The following ZNF385B variants were observed in gnomAD, a reference collection of about 807,000 sequenced individuals.
ZNF385B encodes zinc finger protein 533.
A neutral mutation model predicts 39.2 loss-of-function variants in ZNF385B; 23 were observed. The observed-to-expected ratio is 0.59, with a 90% CI of 0.42 to 0.83. The LOEUF is 0.83. ZNF385B is among the 40% of genes least tolerant of loss of function. The pLI is 0.00. For synonymous variants in ZNF385B, 205 were observed against 222.6 expected, an observed-to-expected ratio of 0.92 and a Z score of 0.70; for missense variants, 552 against 598.9, an observed-to-expected ratio of 0.92 and a Z score of 0.82.
rs1389367567 is a variant in ZNF385B, at chr2:179,699,348, A to G, written c.298+70155T>C. Among the ~76,000 whole-genome samples, 5 of 152,154 alleles carry G rather than the reference A, an allele frequency of 3.3e-5. No homozygotes were observed. In the South Asian group the frequency reaches 1.0e-3, roughly 32 times the overall value. Reference sequence around the variant, plus strand: ...AAAACATACACTCATAAGCTGGAATAACACTCAAGCAGAAATCCTCAAAGG... The same window carrying G: ...AAAACATACACTCATAAGCTGGAATGACACTCAAGCAGAAATCCTCAAAGG... On this transcript the variant is annotated intron_variant, in intron 3 of 9. Transcript: ENST00000410066.
At position 179,808,278 on chromosome 2, in the gene ZNF385B, C is replaced by T. The variant is rs932535738; in HGVS notation, c.-154-37606G>A. ...CGATCTCCTGACCTTGTGATCCGCC[C>T]GCCTTGGCCTCCCAAAGTGCTGGGA... On this transcript the variant is annotated intron_variant, in intron 1 of 9. Transcript: ENST00000410066. Among the ~76,000 whole-genome samples, 25 of 152,266 alleles carry T rather than the reference C, an allele frequency of 1.6e-4. No individual in the cohort carries two copies. In the East Asian group the frequency reaches 3.5e-3, roughly 21 times the overall value.
chr2:179,456,344 C>A (rs2050705777), intron 6 of ZNF385B, among the ~76,000 whole-genome samples: 1 of 152,242 alleles, frequency 6.6e-6, no homozygotes, highest in African/African-American at 2.4e-5. Context: ...CTTCCCTGTG[C>A]CTTTATCAGC....
intron 3 of ZNF385B, among the ~76,000 whole-genome samples, chr2:179,649,194 T>C (rs1692997492): frequency 6.6e-6 from 1 of 151,900 alleles, no homozygotes; most frequent in East Asian, 1.9e-4. Flanking sequence ...ATCATGAAAA[T>C]TAAAAAACAA....
intron 5 of ZNF385B, among the ~76,000 whole-genome samples, chr2:179,513,800 G>A (rs1266346806): frequency 6.6e-6 from 1 of 152,140 alleles, no homozygotes; most frequent in Non-Finnish European, 1.5e-5. Flanking sequence ...TCATACAGGA[G>A]GAGTTCAGTA....
chr2:179,505,587 G>C (rs2105750855), intron 5 of ZNF385B, among the ~76,000 whole-genome samples: 1 of 152,194 alleles, frequency 6.6e-6, no homozygotes, highest in South Asian at 2.1e-4. Context: ...TCACAGTTGA[G>C]AGATAATGAA....
intron 1 of ZNF385B, among the ~76,000 whole-genome samples, chr2:179,840,831 A>G (rs1236508414): frequency 6.6e-6 from 1 of 152,194 alleles, no homozygotes; most frequent in African/African-American, 2.4e-5. Context: ...CTATGCACAA[A>G]ATGTTCTTAG....
In ZNF385B at chr2:179,792,375, C is replaced by CTTTTTTTTTTTTTT. The variant is rs374147864; in HGVS notation, c.-154-21717_-154-21704dup. Among the ~76,000 whole-genome samples the CTTTTTTTTTTTTTT allele has an allele frequency of 9.9e-4, 123 of 124,046 alleles. 3 individuals are homozygous for CTTTTTTTTTTTTTT. Among genetic ancestry groups the CTTTTTTTTTTTTTT allele is most frequent in the African/African-American group, 3.5e-3 (111 of 32,026 alleles). 81.4% of individuals were successfully genotyped at this position (124,046 alleles called of 152,430 possible). On this transcript the variant is annotated intron_variant, in intron 1 of 9. Transcript: ENST00000410066. ...GAAGTAGGCCATTTCATTTTCTTTT[C>CTTTTTTTTTTTTTT]TTTTTTTTTTTTTTTTGAGACAGAG...
chr2:179,482,376 C>T (rs2054093596), intron 6 of ZNF385B, among the ~76,000 whole-genome samples: 1 of 152,216 alleles, frequency 6.6e-6, no homozygotes, highest in South Asian at 2.1e-4. Context: ...CATATTCTCT[C>T]AGTCTCCTTT....
chr2:179,567,147 T>G, intron 3 of ZNF385B, among the ~76,000 whole-genome samples: 1 of 152,130 alleles, frequency 6.6e-6, no homozygotes, highest in Admixed American at 6.5e-5. Context: ...ACTCCTGACC[T>G]CAAGTGATCC....
At chr2:179,642,047 T>C (rs777749814) in intron 3 of ZNF385B, among the ~76,000 whole-genome samples, 2 of 152,108 alleles carry the variant, frequency 1.3e-5, no homozygotes, top group African/African-American at 2.4e-5. Flanking sequence ...AGAAACCATA[T>C]GAAACTGACG....
chr2:179,556,695 TCTCCTCAATGGCATTAAGA>T (rs2060927779), intron 3 of ZNF385B, among the ~76,000 whole-genome samples: 2 of 149,372 alleles, frequency 1.3e-5, no homozygotes, highest in East Asian at 3.8e-4. Flanking sequence ...GCCTGGTGAC[TCTCCTCAATGGCATTAAGA>T]CCCTTTCTTG....
At chr2:179,586,665 GAAATATTTAAGT>G (rs1687100095) in intron 3 of ZNF385B, among the ~76,000 whole-genome samples, 1 of 152,168 alleles carries the variant, frequency 6.6e-6, no homozygotes, top group African/African-American at 2.4e-5. Flanking sequence ...GTTTTAATGT[GAAATATTTAAGT>G]AAATATTTAA....
chr2:179,722,382 A>T (rs1356753880), intron 3 of ZNF385B, among the ~76,000 whole-genome samples: 1 of 152,116 alleles, frequency 6.6e-6, no homozygotes, highest in Non-Finnish European at 1.5e-5. Context: ...ATATTATGAC[A>T]TTGGTGTAGA....
intron 6 of ZNF385B, among the ~76,000 whole-genome samples, chr2:179,468,590 C>CT (rs1272751098): frequency 6.6e-6 from 1 of 152,074 alleles, no homozygotes; most frequent in African/African-American, 2.4e-5. Context: ...ATGAATGGCT[C>CT]TTTATAGAGG....
chr2:179,567,452 G>T (rs984287147), intron 3 of ZNF385B, among the ~76,000 whole-genome samples: 8 of 152,022 alleles, frequency 5.3e-5, no homozygotes, highest in African/African-American at 1.7e-4. Context: ...TCTATTTAGA[G>T]AACAAAAATA....
At chr2:179,719,055 C>T (rs552466737) in intron 3 of ZNF385B, among the ~76,000 whole-genome samples, 59 of 152,036 alleles carry the variant, frequency 3.9e-4, no homozygotes, top group African/African-American at 1.4e-3. Flanking sequence ...CTGCCAGGAA[C>T]TTCTGCATGT....
intron 3 of ZNF385B, among the ~76,000 whole-genome samples, chr2:179,576,993 A>G: frequency 6.6e-6 from 1 of 152,212 alleles, no homozygotes; most frequent in East Asian, 1.9e-4. Context: ...AAATCTCACA[A>G]CAGACGGCTT....
intron 1 of ZNF385B, among the ~76,000 whole-genome samples, chr2:179,835,233 T>C (rs925729047): frequency 2.0e-5 from 3 of 152,168 alleles, no homozygotes; most frequent in Non-Finnish European, 4.4e-5. Flanking sequence ...CAAAACCAAA[T>C]GTGTATACAG....
intron 3 of ZNF385B, among the ~76,000 whole-genome samples, chr2:179,752,240 C>T (rs1250154942): frequency 6.6e-6 from 1 of 152,180 alleles, no homozygotes; most frequent in Non-Finnish European, 1.5e-5. Flanking sequence ...CAGCTTCATC[C>T]ATGTCCCTTC....
Sources: gnomAD v4.1 joint callset for allele counts (sites outside exome capture counted in the v4.1 genomes callset) on GRCh38, gnomAD v4.1.1 for gene constraint, MANE v1.5 for transcripts, NCBI Gene and HGNC (gene_info 2026-07-23, HGNC 2026-07-21) for gene names.